GGACT: variants seen among roughly 807,000 people sequenced by gnomAD.
The protein encoded by GGACT is gamma-glutamylaminecyclotransferase.
For synonymous variants in GGACT, 118 were observed against 115.3 expected (o/e 1.02, Z -0.15); for missense variants, 241 against 233.2 (o/e 1.03, Z -0.22).
chr13:100,549,778 A>AATCT (rs2088640023), intron 2 of GGACT, among the ~76,000 whole-genome samples: 1 of 152,244 alleles, frequency 6.6e-6, no homozygotes, highest in Non-Finnish European at 1.5e-5. Context: ...GCAACTCTAG[A>AATCT]AAAGTCCATT....
In GGACT at chr13:100,532,384, C is replaced by T; in HGVS notation, c.208G>A (p.Val70Ile). The change falls in exon 3 of 3, where the codon GTA becomes ATA. Residue 70 changes from valine to isoleucine, a missense_variant. Transcript: ENST00000683975. ...AGAAAGCGCAGCATCCGCTCGTCTACCGCGTAGACCTCGCCCTCCACGAGG... is the reference window on the plus strand; with the variant it reads ...AGAAAGCGCAGCATCCGCTCGTCTATCGCGTAGACCTCGCCCTCCACGAGG... Reference protein sequence around the residue: ...GRLVEGEVYAVDERMLRFLDD... With the variant: ...GRLVEGEVYAIDERMLRFLDD... 1 of 1,550,470 alleles carries T rather than the reference C, an allele frequency of 6.4e-7. No homozygotes were observed. Among genetic ancestry groups the T allele is most frequent in the Non-Finnish European group, 8.7e-7 (1 of 1,146,654 alleles).
chr13:100,578,190 T>C (rs554385940), intron 2 of GGACT, among the ~76,000 whole-genome samples: 6 of 152,354 alleles, frequency 3.9e-5, no homozygotes, highest in African/African-American at 1.4e-4. Context: ...AGTGGCTACC[T>C]TCACCTCTAC....
intron 2 of GGACT, among the ~76,000 whole-genome samples, chr13:100,553,568 G>A (rs550486076): frequency 1.1e-4 from 17 of 152,282 alleles, no homozygotes; most frequent in Non-Finnish European, 1.8e-4. Context: ...GTAGCAGGCC[G>A]GGCATGGTGG....
intron 2 of GGACT, among the ~76,000 whole-genome samples, chr13:100,561,976 G>T (rs947566033): frequency 1.3e-5 from 2 of 152,200 alleles, no homozygotes; most frequent in African/African-American, 4.8e-5. Context: ...AGGTCATGCG[G>T]CAGAGTCTGC....
intron 2 of GGACT, among the ~76,000 whole-genome samples, chr13:100,572,024 T>C (rs1220484012): frequency 6.6e-6 from 1 of 152,228 alleles, no homozygotes; most frequent in East Asian, 1.9e-4. Context: ...ATTTAACCTT[T>C]TGTGTGCAGG....
At position 100,545,965 on chromosome 13, in the gene GGACT, T is replaced by TC. The variant is rs2088599807; in HGVS notation, c.-10-13365dup. On this transcript the variant is annotated intron_variant, in intron 2 of 2. Transcript: ENST00000683975. The surrounding 1 kb of genome is among the most constrained non-coding windows in gnomAD (Gnocchi z 4.4). ...CCTGCTGGGCCACCCAGAGTGCCTT[T>TC]CCCCCTCTTTTCCTCCATCATCAGT... Among the ~76,000 whole-genome samples, 1 of 152,210 alleles carries TC rather than the reference T, an allele frequency of 6.6e-6. No individual in the cohort carries two copies. Among genetic ancestry groups the TC allele is most frequent in the Admixed American group, 6.5e-5 (1 of 15,280 alleles).
chr13:100,571,813 A>G (rs1430177451), intron 2 of GGACT, among the ~76,000 whole-genome samples: 2 of 152,244 alleles, frequency 1.3e-5, no homozygotes, highest in African/African-American at 2.4e-5. Context: ...TGGCCCACAC[A>G]TGATCTCAAT....
intron 2 of GGACT, chr13:100,540,095 C>G: frequency 6.4e-7 from 1 of 1,551,122 alleles, no homozygotes. Flanking sequence ...TCAGAAATGT[C>G]CCTGACTGCT....
chr13:100,585,835 A>G (rs1420122842), intron 1 of GGACT, among the ~76,000 whole-genome samples: 2 of 128,264 alleles, frequency 1.6e-5, no homozygotes, highest in African/African-American at 3.8e-5. Flanking sequence ...AAAAAAAAAA[A>G]AAAAAAAAAA....
chr13:100,585,573 G>T (rs1477435888), intron 1 of GGACT, among the ~76,000 whole-genome samples: 1 of 152,066 alleles, frequency 6.6e-6, no homozygotes, highest in Non-Finnish European at 1.5e-5. Flanking sequence ...CTCCAGACCA[G>T]TGTGGCCAAC....
intron 2 of GGACT, among the ~76,000 whole-genome samples, chr13:100,546,361 C>CAA (rs778470021): frequency 0.011 from 599 of 52,816 alleles, 11 homozygotes; most frequent in African/African-American, 0.027. Context: ...GACTCTGTCT[C>CAA]AAAAAAAAAA....
rs1027543263 is a variant in GGACT at position 100,534,132 on chromosome 13, T to TG, written c.-10-1532dup. On this transcript the variant is annotated intron_variant, in intron 2 of 2. Transcript: ENST00000683975. The surrounding 1 kb of genome is among the most constrained non-coding windows in gnomAD (Gnocchi z 4.9). ...TCTTCTCAGCAAACAAGAGCTGCTC[T>TG]GGGGGGTTCTAGGCCTCATTTTGCT... Among the ~76,000 whole-genome samples, 9 of 152,316 alleles carry TG rather than the reference T, an allele frequency of 5.9e-5. No individual in the cohort carries two copies. Among genetic ancestry groups the TG allele is most frequent in the South Asian group, 2.1e-4 (1 of 4,826 alleles).
intron 2 of GGACT, among the ~76,000 whole-genome samples, chr13:100,564,817 C>T (rs767895660): frequency 3.9e-5 from 6 of 152,172 alleles, no homozygotes; most frequent in South Asian, 4.2e-4. Flanking sequence ...CTCTATGCCC[C>T]GGGCAGGGGG....
intron 2 of GGACT, among the ~76,000 whole-genome samples, chr13:100,576,383 T>C (rs1875247545): frequency 6.6e-6 from 1 of 152,184 alleles, no homozygotes; most frequent in Non-Finnish European, 1.5e-5. Context: ...GAAAGTGTCT[T>C]ATAAAATTAA....
chr13:100,579,264 A>G (rs921793052), intron 2 of GGACT, among the ~76,000 whole-genome samples: 27 of 152,164 alleles, frequency 1.8e-4, no homozygotes, highest in Non-Finnish European at 2.9e-4. Flanking sequence ...TAAAAGAGCA[A>G]CTGCAGCAAA....
chr13:100,558,928 A>G (rs1261009043), intron 2 of GGACT, among the ~76,000 whole-genome samples: 1 of 152,284 alleles, frequency 6.6e-6, no homozygotes, highest in East Asian at 1.9e-4. Context: ...CAGAATAGGC[A>G]AACATACAGA....
At chr13:100,556,509 G>C (rs2088709436) in intron 2 of GGACT, among the ~76,000 whole-genome samples, 1 of 151,894 alleles carries the variant, frequency 6.6e-6, no homozygotes. Flanking sequence ...ACCATGTTTT[G>C]ATGGATAATT....
At chr13:100,586,303 G>C (rs1417090622) in intron 1 of GGACT, among the ~76,000 whole-genome samples, 1 of 152,102 alleles carries the variant, frequency 6.6e-6, no homozygotes, top group Non-Finnish European at 1.5e-5. Context: ...AAGTGGATAT[G>C]GCCAAACAAG....
In GGACT at chr13:100,557,047, G is replaced by A. The variant is rs780217694; in HGVS notation, c.-10-24446C>T. Among the ~76,000 whole-genome samples the A allele has an allele frequency of 3.9e-5, 6 of 151,992 alleles. No homozygotes were observed. In the South Asian group the frequency reaches 6.2e-4, roughly 16 times the overall value. Reference sequence around the variant, plus strand: ...TGGGACTACAAGCATACACCACCACGCCTGGTAATGTTTTTCTATTTTTAG... The same window carrying A: ...TGGGACTACAAGCATACACCACCACACCTGGTAATGTTTTTCTATTTTTAG... On this transcript the variant is annotated intron_variant, in intron 2 of 2. Coordinates refer to ENST00000683975, the MANE Select transcript of GGACT (RefSeq NM_001195087.2).
Sources: allele counts gnomAD v4.1 joint callset (sites outside exome capture counted in the v4.1 genomes callset), GRCh38; gene constraint gnomAD v4.1.1; non-coding constraint Gnocchi (gnomAD v3.1); transcripts MANE v1.5; gene names NCBI Gene and HGNC (gene_info 2026-07-23, HGNC 2026-07-21).